Variants in INPP4B observed in about 807,000 individuals in gnomAD.
INPP4B encodes the protein inositol polyphosphate 4-phosphatase type II.
A neutral mutation model predicts 122.5 loss-of-function variants in INPP4B; 55 were observed. The observed-to-expected ratio is 0.45, with a 90% CI of 0.36 to 0.56. The LOEUF (loss-of-function observed/expected upper bound fraction) is 0.56, where lower values mean the gene tolerates loss of function less well. Ranked by LOEUF, INPP4B falls within the 20% of genes least tolerant of loss-of-function variation. The pLI, the probability that INPP4B is intolerant of heterozygous loss-of-function variation, is 0.00. For missense variants in INPP4B, 1,000 were observed against 1,097.7 expected (o/e 0.91, Z 1.26); for synonymous variants, 403 against 388.7 (o/e 1.04, Z -0.43).
intron 8 of INPP4B, among the ~76,000 whole-genome samples, chr4:142,312,913 T>C (rs2151298590): frequency 6.6e-6 from 1 of 152,164 alleles, no homozygotes; most frequent in South Asian, 2.1e-4. Context: ...AGTCTAGCAG[T>C]AAGAAAACCT....
chr4:142,324,711 T>C (rs1386919474), intron 7 of INPP4B, among the ~76,000 whole-genome samples: 4 of 152,136 alleles, frequency 2.6e-5, no homozygotes, highest in African/African-American at 7.2e-5. Context: ...CCCTAGGGCA[T>C]CTCTTGCCTG....
Position 142,182,564 on chromosome 4 carries a change from CAAA to C in INPP4B, c.1182-8758_1182-8756del, listed in dbSNP as rs1831370898. 5.3e-5 allele frequency among the ~76,000 whole-genome samples: 3 copies of C among 56,414 alleles called. No homozygotes were observed. In the South Asian group the frequency reaches 2.0e-3, roughly 37 times the overall value. 37.0% of individuals were successfully genotyped at this position (56,414 alleles called of 152,430 possible). A position where few individuals can be genotyped will look rare whatever the true frequency, so the allele number is the denominator to read the frequency against. ...TCTGTCTCAAAAAAAAAAAAACAAA[CAAA>C]AAAAAGATTCTTAATGTGAAAAACA... On this transcript the variant is annotated intron_variant, in intron 15 of 25. Transcript: ENST00000262992.
intron 1 of INPP4B, among the ~76,000 whole-genome samples, chr4:142,768,812 G>A (rs1161298791): frequency 9.9e-5 from 15 of 152,152 alleles, no homozygotes; most frequent in Admixed American, 9.8e-4. Context: ...GTACCATGAA[G>A]AGGTCAAGAT....
At chr4:142,803,685 T>C (rs1472261057) in intron 1 of INPP4B, among the ~76,000 whole-genome samples, 1 of 150,778 alleles carries the variant, frequency 6.6e-6, no homozygotes, top group Non-Finnish European at 1.5e-5. Context: ...AAGAAACCTC[T>C]CAATTCTTTT....
At chr4:142,145,469 G>A (rs1810190798) in intron 18 of INPP4B, among the ~76,000 whole-genome samples, 1 of 152,094 alleles carries the variant, frequency 6.6e-6, no homozygotes, top group Non-Finnish European at 1.5e-5. Flanking sequence ...GTGAGATACT[G>A]TGTCCTTGAT....
intron 25 of INPP4B, among the ~76,000 whole-genome samples, chr4:142,064,896 C>T (rs899247384): frequency 3.3e-5 from 5 of 151,984 alleles, no homozygotes; most frequent in African/African-American, 9.7e-5. Context: ...TATAATGGCA[C>T]AATTTTCTCA....
At chr4:142,029,196 C>CT in intron 25 of INPP4B, 1 of 1,082,922 alleles carries the variant, frequency 9.2e-7, no homozygotes, top group Non-Finnish European at 1.1e-6. Flanking sequence ...TACAGCTCCA[C>CT]TTTAGTTTCA....
intron 2 of INPP4B, among the ~76,000 whole-genome samples, chr4:142,524,622 G>T (rs372151396): frequency 7.5e-6 from 1 of 133,536 alleles, no homozygotes; most frequent in Non-Finnish European, 1.7e-5. Context: ...TATAAACAGA[G>T]CCAAAGACAA....
At chr4:142,826,929 C>T (rs1781527217) in intron 1 of INPP4B, among the ~76,000 whole-genome samples, 1 of 152,216 alleles carries the variant, frequency 6.6e-6, no homozygotes. Flanking sequence ...TTTGCAGCAG[C>T]ATCTCTTTGT....
At chr4:142,277,682 T>TACACACACACAC (rs3076592) in intron 9 of INPP4B, among the ~76,000 whole-genome samples, 21 of 147,178 alleles carry the variant, frequency 1.4e-4, no homozygotes, top group African/African-American at 4.3e-4. Flanking sequence ...CACACACACA[T>TACACACACACAC]ACACACACAC....
chr4:142,476,654 C>T (rs1203455595), intron 2 of INPP4B, among the ~76,000 whole-genome samples: 2 of 152,134 alleles, frequency 1.3e-5, no homozygotes, highest in Non-Finnish European at 2.9e-5. Flanking sequence ...GCAGGGGTCG[C>T]TATTCTAATT....
At chr4:142,258,021 C>G (rs2150341201) in intron 11 of INPP4B, among the ~76,000 whole-genome samples, 1 of 152,076 alleles carries the variant, frequency 6.6e-6, no homozygotes, top group Admixed American at 6.5e-5. Context: ...ATCAATGGAA[C>G]AGAACAGAGC....
intron 25 of INPP4B, among the ~76,000 whole-genome samples, chr4:142,077,677 T>C (rs72940965): frequency 7.9e-5 from 12 of 151,744 alleles, no homozygotes; most frequent in African/African-American, 2.7e-4. Context: ...TCTGATAAAG[T>C]ATTCTCCCTT....
intron 25 of INPP4B, among the ~76,000 whole-genome samples, chr4:142,043,475 G>A (rs145733046): frequency 1.7e-3 from 266 of 152,210 alleles, no homozygotes; most frequent in Non-Finnish European, 3.3e-3. Context: ...GAAACAGAAT[G>A]TTGTGATGTA....
rs1045430097 is a variant in INPP4B at position 142,024,292 on chromosome 4, T to C, written c.*4490A>G. 1.1e-4 allele frequency: 16 copies of C among 152,128 alleles called. No individual in the cohort carries two copies. The highest frequency in any genetic ancestry group is 3.4e-4 in the African/African-American group (14 of 41,440). The allele number at this position is 152,128 out of a possible 1,614,324, so 9.4% of individuals were successfully genotyped here. ...GACTTTATAAGCTAAGAAACATAAA[T>C]ACAGGTGGGAAAAAGCATAGCTTAT... On this transcript the variant is annotated 3_prime_UTR_variant, in exon 26 of 26. Transcript: ENST00000262992.
At chr4:142,671,489 A>T (rs2150633063) in intron 2 of INPP4B, among the ~76,000 whole-genome samples, 1 of 152,150 alleles carries the variant, frequency 6.6e-6, no homozygotes, top group South Asian at 2.1e-4. Context: ...TTCCCACCTT[A>T]TAGACTTGTT....
chr4:142,726,870 T>C (rs1765407073), intron 1 of INPP4B, among the ~76,000 whole-genome samples: 1 of 152,206 alleles, frequency 6.6e-6, no homozygotes, highest in South Asian at 2.1e-4. Flanking sequence ...CTATCCCCCA[T>C]GGAGGTGATA....
intron 1 of INPP4B, chr4:142,795,246 G>T (rs1484660641): frequency 6.6e-6 from 1 of 151,858 alleles, no homozygotes; most frequent in African/African-American, 2.4e-5. Context: ...TTAGGATAAA[G>T]AAATACAGAT....
chr4:142,839,439 C>T (rs983554587), intron 1 of INPP4B, among the ~76,000 whole-genome samples: 2 of 151,308 alleles, frequency 1.3e-5, no homozygotes, highest in Non-Finnish European at 2.9e-5. Context: ...ATCTCAACAA[C>T]AACAACAAAA....
Sources: allele counts gnomAD v4.1 joint callset (sites outside exome capture counted in the v4.1 genomes callset), GRCh38; gene constraint gnomAD v4.1.1; transcripts MANE v1.5; gene names NCBI Gene and HGNC (gene_info 2026-07-23, HGNC 2026-07-21).